Variants in USP54 observed in about 807,000 individuals in gnomAD.
The protein encoded by USP54 is ubiquitin specific peptidase 54, also known as ubiquitin carboxyl-terminal hydrolase 54.
In USP54, 87 loss-of-function variants were observed where a neutral mutation model predicts 170.5. The observed-to-expected ratio is 0.51, with a 90% CI of 0.43 to 0.61. The LOEUF (loss-of-function observed/expected upper bound fraction) is 0.61. Among genes scored for constraint, USP54 ranks in the 20% least tolerant of loss-of-function variants. The pLI is 0.00. For synonymous variants in USP54, 655 were observed against 742.8 expected, an observed-to-expected ratio of 0.88 and a Z score of 1.92; for missense variants, 1,786 against 2,047.8, an observed-to-expected ratio of 0.87 and a Z score of 2.47.
In USP54 at chr10:73,498,428, G is replaced by A. The variant is rs751087693; in HGVS notation, c.*201C>T. On this transcript the variant is annotated 3_prime_UTR_variant, in exon 24 of 24. Transcript: ENST00000687698. The stretch of plus-strand genomic sequence containing the variant: ...GTAGTTGGGACTACAGGCACGCACC[G>A]TCACGCCTGGCTAATTTTTTGTATT... 7.7e-5 allele frequency: 28 copies of A among 361,394 alleles called. No individual in the cohort carries two copies. Among genetic ancestry groups the A allele is most frequent in the Admixed American group, 4.3e-4 (10 of 23,010 alleles). 22.4% of individuals were successfully genotyped at this position (361,394 alleles called of 1,614,324 possible).
intron 10 of USP54, among the ~76,000 whole-genome samples, chr10:73,537,065 A>G (rs187615484): frequency 1.3e-3 from 194 of 152,262 alleles, no homozygotes; most frequent in Non-Finnish European, 2.1e-3. Flanking sequence ...ATTCAACCCA[A>G]TCCTCAAACT....
At position 73,534,726 on chromosome 10, in the gene USP54, T is replaced by C. The variant is rs1218641127; in HGVS notation, c.1189A>G (p.Thr397Ala). The C allele has an allele frequency of 3.1e-6, 5 of 1,613,972 alleles. No homozygotes were observed. Among genetic ancestry groups the C allele is most frequent in the African/African-American group, 1.3e-5 (1 of 74,900 alleles). ...GAATGTTTGTAGGGATAGCTCTCCGTTGAGGAATCTGTTCGAGTGTCACTT... is the reference window on the plus strand; with the variant it reads ...GAATGTTTGTAGGGATAGCTCTCCGCTGAGGAATCTGTTCGAGTGTCACTT... ...ISSDTRTDSS[T>A]ESYPYKHSHH... The change falls in exon 12 of 24, where the codon ACG becomes GCG. Residue 397 changes from threonine (T) to alanine (A), a missense_variant. Thr to Ala is a moderately conservative substitution (Grantham distance 58). Coordinates refer to ENST00000687698, the MANE Select transcript of USP54 (RefSeq NM_001391956.1).
Position 73,500,716 on chromosome 10 carries a change from T to G in USP54, c.4434A>C (p.Pro1478=), listed in dbSNP as rs1455464726. 2 of 1,606,952 alleles carry G rather than the reference T, an allele frequency of 1.2e-6. No homozygotes were observed. The highest frequency in any genetic ancestry group is 1.7e-6 in the Non-Finnish European group (2 of 1,176,834). ...LLGPQLYLPQ[P]QFLSPDVLMP... is the part of the protein sequence containing the mutation. The stretch of plus-strand genomic sequence containing the variant: ...TCAGGACATCTGGGGACAGGAACTG[T>G]GGTTGGGGAAGGTAGAGTTGGGGAC... Residue 1478 remains proline, a synonymous_variant, in exon 23 of 24, where the codon CCA becomes CCC. Coordinates refer to ENST00000687698, the MANE Select transcript of USP54 (RefSeq NM_001391956.1).
rs142939779 is a variant in USP54 at position 73,499,129 on chromosome 10, C to T, written c.4555G>A (p.Gly1519Arg). The change falls in exon 24 of 24, where the codon GGG becomes AGG. Residue 1519 changes from glycine to arginine, a missense_variant. Gly to Arg is a moderately radical substitution (Grantham distance 125). Around this residue, in one of 3 missense-constraint regions of USP54, gnomAD observed 1,418 missense variants for 1,569.0 expected, o/e 0.90. Transcript: ENST00000687698. Reference protein sequence around the residue: ...AMCDRGETSQGAKYTGRTLNY... With the variant: ...AMCDRGETSQRAKYTGRTLNY... ...AAAGTCCTTCCTGTGTACTTGGCCC[C>T]TTGGGAAGTTTCACCCCTGTCACAC... 1.2e-5 allele frequency: 19 copies of T among 1,613,868 alleles called. No homozygotes were observed. Among genetic ancestry groups the T allele is most frequent in the African/African-American group, 1.3e-5 (1 of 74,910 alleles).
At position 73,571,705 on chromosome 10, in the gene USP54, T is replaced by A. The variant is rs148148184; in HGVS notation, c.148-192A>T. Among the ~76,000 whole-genome samples the A allele has an allele frequency of 2.6e-5, 4 of 152,296 alleles. No individual in the cohort carries two copies. The East Asian group carries it at 7.7e-4, about 29-fold the overall frequency. ...TAACAAGAAAAATAAATGGTCATAT[T>A]CTGGGAAAGATATTAATTTGAACAT... On this transcript the variant is annotated intron_variant, in intron 3 of 23. Transcript: ENST00000687698.
intron 23 of USP54, chr10:73,499,998 G>T (rs2057744240): frequency 6.6e-6 from 1 of 152,158 alleles, no homozygotes; most frequent in South Asian, 2.1e-4. Context: ...GACAATAATG[G>T]CTGTGCTGTT....
intron 9 of USP54, 96 bp from the exon 10 acceptor site, chr10:73,539,689 C>T: frequency 7.5e-7 from 1 of 1,325,918 alleles, no homozygotes. Flanking sequence ...AAGTAAGGTA[C>T]TGACTTGCTT....
chr10:73,500,807 G>A lies in USP54; in HGVS notation c.4343C>T (p.Thr1448Ile). The change falls in exon 23 of 24, where the codon ACC becomes ATC. Residue 1448 changes from threonine (T) to isoleucine (I), a missense_variant. This residue lies in a region of USP54 where 1,418 missense variants were observed against 1,569.0 expected (regional missense o/e 0.90). Coordinates refer to ENST00000687698, the MANE Select transcript of USP54 (RefSeq NM_001391956.1). ...AGAGGAGCTGGAACAACGGTGCCCG[G>A]TTTCCAAAGGCTTCCTCACGTTTGA... ...DSSNVRKPLE[T>I]GHRCSSSSSL... 6.3e-7 allele frequency: 1 copy of A among 1,599,130 alleles called. No individual in the cohort carries two copies. The highest frequency in any genetic ancestry group is 8.5e-7 in the Non-Finnish European group (1 of 1,174,960).
chr10:73,530,136 T>C lies in USP54; in HGVS notation c.1828+7A>G, dbSNP rs1156807602. 3.1e-6 allele frequency: 5 copies of C among 1,593,876 alleles called. No individual in the cohort carries two copies. The African/African-American group carries it at 6.8e-5, about 22-fold the overall frequency. On this transcript the variant is annotated splice_region_variant and intron_variant, in intron 14 of 23. Transcript: ENST00000687698. Reference sequence around the variant, plus strand: ...AAAGCCCAATTCTTCCCTAATTATCTCCTCACCTGAATCCTCAGAAAAGGG... The same window carrying C: ...AAAGCCCAATTCTTCCCTAATTATCCCCTCACCTGAATCCTCAGAAAAGGG...
At chr10:73,523,777 C>A in intron 16 of USP54, 27 bp from the exon 17 acceptor site, 1 of 1,585,600 alleles carries the variant, frequency 6.3e-7, no homozygotes, top group Non-Finnish European at 8.6e-7. Context: ...GGAGAAGTCA[C>A]CACATTTCCA....
chr10:73,575,470 T>A, intron 3 of USP54, 42 bp downstream of exon 3: 1 of 1,555,866 alleles, frequency 6.4e-7, no homozygotes, highest in Non-Finnish European at 8.7e-7. Context: ...GCATCAGCAA[T>A]TAAAAGTCAA....
intron 1 of USP54, among the ~76,000 whole-genome samples, chr10:73,589,132 T>C (rs1004371551): frequency 1.3e-5 from 2 of 152,224 alleles, no homozygotes; most frequent in Non-Finnish European, 2.9e-5. Context: ...ACTCAACAAA[T>C]GCTCATTCCT....
intron 12 of USP54, among the ~76,000 whole-genome samples, chr10:73,531,465 G>A (rs2063956288): frequency 6.6e-6 from 1 of 152,096 alleles, no homozygotes; most frequent in African/African-American, 2.4e-5. Flanking sequence ...ATATAAAAAT[G>A]TCAGGTAGCC....
Position 73,534,666 on chromosome 10 carries a change from CAGAAG to C in USP54, c.1244_1248del (p.Ser415Ter). On this transcript the variant is annotated frameshift_variant, in exon 12 of 24. Transcript: ENST00000687698. LOFTEE classifies it high-confidence loss of function. ...TTATAGATGACTGTCCCCTGAGAAT[CAGAAG>C]AGAAGTGACTGACCACAGACTCATG... The C allele has an allele frequency of 6.2e-7, 1 of 1,614,156 alleles. No individual in the cohort carries two copies. The highest frequency in any genetic ancestry group is 8.5e-7 in the Non-Finnish European group (1 of 1,180,028).
chr10:73,578,864 C>A (rs2076479547), intron 1 of USP54, among the ~76,000 whole-genome samples: 2 of 151,476 alleles, frequency 1.3e-5, no homozygotes, highest in South Asian at 4.2e-4. Context: ...CATCACAGTC[C>A]TAAACAAAAA....
intron 4 of USP54, chr10:73,553,076 T>G (rs2069960301): frequency 6.6e-6 from 1 of 152,172 alleles, no homozygotes; most frequent in African/African-American, 2.4e-5. Flanking sequence ...TCCCATGACC[T>G]AGATAACAAG....
At chr10:73,597,188 C>T (rs192915689) in intron 1 of USP54, among the ~76,000 whole-genome samples, 2 of 152,284 alleles carry the variant, frequency 1.3e-5, no homozygotes, top group African/African-American at 4.8e-5. Context: ...TTGGGAGGAA[C>T]TTATAGTTTA....
At chr10:73,575,460 G>A (rs1383677691) in intron 3 of USP54, 52 bp downstream of exon 3, 8 of 1,516,658 alleles carry the variant, frequency 5.3e-6, no homozygotes, top group Middle Eastern at 1.7e-4. Context: ...CAGAAATACA[G>A]CATCAGCAAT....
At chr10:73,581,974 C>T (rs2076952812) in intron 1 of USP54, among the ~76,000 whole-genome samples, 1 of 152,186 alleles carries the variant, frequency 6.6e-6, no homozygotes, top group Non-Finnish European at 1.5e-5. Context: ...ATGATTCTTT[C>T]ACAAGTATAC....
Sources: allele counts gnomAD v4.1 joint callset (sites outside exome capture counted in the v4.1 genomes callset), GRCh38; gene constraint gnomAD v4.1.1; regional missense constraint gnomAD v4.1.1; transcripts MANE v1.5; gene names NCBI Gene and HGNC (gene_info 2026-07-23, HGNC 2026-07-21).